RAB15: variants seen among roughly 807,000 people sequenced by gnomAD.
RAB15 encodes the protein ras-related protein Rab-15.
A neutral mutation model predicts 31.8 loss-of-function variants in RAB15; 13 were observed. That is an observed-to-expected ratio of 0.41 (90% CI 0.27 to 0.65). The LOEUF (loss-of-function observed/expected upper bound fraction) is 0.65. Ranked by LOEUF, RAB15 falls within the 30% of genes least tolerant of loss-of-function variation. The pLI is 0.32. For missense variants in RAB15, 220 were observed against 277.3 expected, an observed-to-expected ratio of 0.79 and a Z score of 1.47; for synonymous variants, 100 against 105.6, an observed-to-expected ratio of 0.95 and a Z score of 0.33.
In RAB15 at chr14:64,948,633, C is replaced by G; in HGVS notation, c.480+35G>C. 6.2e-7 allele frequency: 1 copy of G among 1,613,434 alleles called. No homozygotes were observed. The highest frequency in any genetic ancestry group is 8.5e-7 in the Non-Finnish European group (1 of 1,179,456). ...CCTCCCACCTCTGCTGGACTCAGCC[C>G]GAGAGAGCGGGCGCCTGGTCACCAG... On this transcript the variant is annotated intron_variant, in intron 6 of 6. Coordinates refer to ENST00000533601, the MANE Select transcript of RAB15 (RefSeq NM_001308154.2). This position sits in a 1 kb window ranked among gnomAD's most constrained non-coding sequence, Gnocchi z 7.0.
rs1886893068 is a variant in RAB15 at position 64,962,074 on chromosome 14, T to C, written c.125-9503A>G. On this transcript the variant is annotated intron_variant, in intron 1 of 6. Transcript: ENST00000533601. This position sits in a 1 kb window ranked among gnomAD's most constrained non-coding sequence, Gnocchi z 4.2. ...TACTAAAAATACAAAAATTAGCTGG[T>C]CGTGGTGGCAGGCTCCTGGAATCCC... Among the ~76,000 whole-genome samples, 1 of 151,700 alleles carries C rather than the reference T, an allele frequency of 6.6e-6. No homozygotes were observed. Among genetic ancestry groups the C allele is most frequent in the African/African-American group, 2.4e-5 (1 of 41,258 alleles).
At position 64,968,580 on chromosome 14, in the gene RAB15, T is replaced by A. The variant is rs999944892; in HGVS notation, c.124+3373A>T. Among the ~76,000 whole-genome samples the A allele has an allele frequency of 3.9e-5, 6 of 152,154 alleles. No homozygotes were observed. Among genetic ancestry groups the A allele is most frequent in the Admixed American group, 6.5e-5 (1 of 15,268 alleles). ...TAATCCATCCTTTACATTTGAAGAG[T>A]GATTCACCAAGTTCTTTCAGATATC... is the stretch of plus-strand genomic sequence containing the variant. On this transcript the variant is annotated intron_variant, in intron 1 of 6. Transcript: ENST00000533601. This position sits in a 1 kb window ranked among gnomAD's most constrained non-coding sequence, Gnocchi z 4.9.
intron 1 of RAB15, among the ~76,000 whole-genome samples, chr14:64,963,805 C>CAGAGGTGTGCTTCTGT (rs1232523667): frequency 1.3e-5 from 2 of 152,172 alleles, no homozygotes; most frequent in African/African-American, 4.8e-5. Context: ...GCACCTCCTA[C>CAGAGGTGTGCTTCTGT]AGGGAAGAGG....
intron 1 of RAB15, among the ~76,000 whole-genome samples, chr14:64,956,806 G>GT (rs1476115030): frequency 6.6e-6 from 1 of 152,198 alleles, no homozygotes; most frequent in African/African-American, 2.4e-5. Context: ...TTAGATAGAA[G>GT]TAGTTTCAAG....
At position 64,952,956 on chromosome 14, in the gene RAB15, C is replaced by A. The variant is rs750872010; in HGVS notation, c.125-385G>T. Among the ~76,000 whole-genome samples the A allele has an allele frequency of 1.3e-5, 2 of 152,212 alleles. No homozygotes were observed. Among genetic ancestry groups the A allele is most frequent in the Non-Finnish European group, 2.9e-5 (2 of 68,038 alleles). On this transcript the variant is annotated intron_variant, in intron 1 of 6. Coordinates refer to ENST00000533601, the MANE Select transcript of RAB15 (RefSeq NM_001308154.2). The surrounding 1 kb of genome is among the most constrained non-coding windows in gnomAD (Gnocchi z 4.2). ...TGTTTATCCTTCCTGAAATTCTAAT[C>A]TCTAGGAATAGCAACCCACATTATT...
chr14:64,965,236 T>A (rs957649075), intron 1 of RAB15, among the ~76,000 whole-genome samples: 1 of 152,032 alleles, frequency 6.6e-6, no homozygotes, highest in African/African-American at 2.4e-5. Flanking sequence ...GGTGGGTGGA[T>A]CAGCTGAGGT....
At chr14:64,956,220 T>C (rs1402110846) in intron 1 of RAB15, among the ~76,000 whole-genome samples, 1 of 151,912 alleles carries the variant, frequency 6.6e-6, no homozygotes, top group Admixed American at 6.6e-5. Flanking sequence ...CTGGCCAACA[T>C]GGTGAAACCC....
At chr14:64,963,109 CTTTTTTTT>C (rs1165246293) in intron 1 of RAB15, among the ~76,000 whole-genome samples, 1 of 96,402 alleles carries the variant, frequency 1.0e-5, no homozygotes, top group Admixed American at 1.1e-4. Context: ...CCCTTCCCCA[CTTTTTTTT>C]TTTTTTTTTT....
chr14:64,962,899 C>A lies in RAB15; in HGVS notation c.124+9054G>T, dbSNP rs1886932240. Among the ~76,000 whole-genome samples the A allele has an allele frequency of 6.6e-6, 1 of 152,136 alleles. No homozygotes were observed. The highest frequency in any genetic ancestry group is 6.6e-5 in the Admixed American group (1 of 15,256). ...CATAGTCAGCATTCAATAGCACTTA[C>A]ACTTGTCTGGAGGCGTGAACCTGAA... On this transcript the variant is annotated intron_variant, in intron 1 of 6. Coordinates refer to ENST00000533601, the MANE Select transcript of RAB15 (RefSeq NM_001308154.2). This position sits in a 1 kb window ranked among gnomAD's most constrained non-coding sequence, Gnocchi z 4.2.
In RAB15 at chr14:64,971,972, G is replaced by A. The variant is rs758615190; in HGVS notation, c.105C>T (p.Ser35=). ...CCTTACCGATGGTGGAGATGTGCGA[G>A]GAGTGGAACTCGTTGTCGGTGAAGC... ...LCRFTDNEFH[S]SHISTIGVDF... is the part of the protein sequence containing the mutation. The change falls in exon 1 of 7, where the codon TCC becomes TCT. Residue 35 remains serine (S), a synonymous_variant. Coordinates refer to ENST00000533601, the MANE Select transcript of RAB15 (RefSeq NM_001308154.2). This position sits in a 1 kb window ranked among gnomAD's most constrained non-coding sequence, Gnocchi z 4.1. 1 of 1,591,604 alleles carries A rather than the reference G, an allele frequency of 6.3e-7. No individual in the cohort carries two copies. Among genetic ancestry groups the A allele is most frequent in the Non-Finnish European group, 8.6e-7 (1 of 1,169,468 alleles).
Position 64,954,604 on chromosome 14 carries a change from A to G in RAB15, c.125-2033T>C. The stretch of plus-strand genomic sequence containing the variant: ...GCACAGTGCTCAGTGCAGACAGAGC[A>G]GTGAAAAAGACATGGCCCCTGCCCT... On this transcript the variant is annotated intron_variant, in intron 1 of 6. Transcript: ENST00000533601. The surrounding 1 kb of genome is among the most constrained non-coding windows in gnomAD (Gnocchi z 4.3). 1.9e-5 allele frequency: 17 copies of G among 872,746 alleles called. No individual in the cohort carries two copies. The highest frequency in any genetic ancestry group is 2.3e-5 in the Non-Finnish European group (17 of 727,242). The allele number at this position is 872,746 out of a possible 1,614,324, so 54.1% of individuals were successfully genotyped here.
In RAB15 at chr14:64,948,098, C is replaced by T. The variant is rs570067195; in HGVS notation, c.*256G>A. The T allele has an allele frequency of 2.1e-5, 9 of 422,720 alleles. No individual in the cohort carries two copies. Among genetic ancestry groups the T allele is most frequent in the African/African-American group, 1.6e-4 (8 of 49,030 alleles). 26.2% of individuals were successfully genotyped at this position (422,720 alleles called of 1,614,324 possible). ...TGGTGAGACAGTGCTTGCGGCACAT[C>T]GTGGGGGTCGTAGCAGGCCTGTGGC... On this transcript the variant is annotated 3_prime_UTR_variant, in exon 7 of 7. Transcript: ENST00000533601. This position sits in a 1 kb window ranked among gnomAD's most constrained non-coding sequence, Gnocchi z 7.0.
Position 64,962,149 on chromosome 14 carries a change from A to C in RAB15, c.125-9578T>G, listed in dbSNP as rs974148579. 6.6e-6 allele frequency among the ~76,000 whole-genome samples: 1 copy of C among 152,166 alleles called. No homozygotes were observed. The highest frequency in any genetic ancestry group is 1.5e-5 in the Non-Finnish European group (1 of 68,044). ...AGAATCGCTTGAACCTGGGAGGCGG[A>C]AGTTGCAGTGAGCCAAGATTGTGCC... On this transcript the variant is annotated intron_variant, in intron 1 of 6. Transcript: ENST00000533601. The surrounding 1 kb of genome is among the most constrained non-coding windows in gnomAD (Gnocchi z 4.2).
In RAB15 at chr14:64,950,394, C is replaced by G. The variant is rs768398931; in HGVS notation, c.345G>C (p.Gln115His). The change falls in exon 5 of 7, where the codon CAG becomes CAC. Residue 115 changes from glutamine (Q) to histidine (H), a missense_variant. Physicochemically the swap from Gln to His is conservative, Grantham distance 24. Transcript: ENST00000533601. This position sits in a 1 kb window ranked among gnomAD's most constrained non-coding sequence, Gnocchi z 5.6. ...CAGCCTTATTCCCAATAAGGATCTTCTGGACGCCTTCTGGTGCGTACTAGG... is the reference window on the plus strand; with the variant it reads ...CAGCCTTATTCCCAATAAGGATCTTGTGGACGCCTTCTGGTGCGTACTAGG... ...DVDEYAPEGV[Q>H]KILIGNKADE... 7 of 1,614,068 alleles carry G rather than the reference C, an allele frequency of 4.3e-6. No individual in the cohort carries two copies. In the East Asian group the frequency reaches 1.6e-4, roughly 36 times the overall value.
At position 64,954,496 on chromosome 14, in the gene RAB15, A is replaced by G. The variant is rs1886431746; in HGVS notation, c.125-1925T>C. 1 of 985,466 alleles carries G rather than the reference A, an allele frequency of 1.0e-6. No individual in the cohort carries two copies. Among genetic ancestry groups the G allele is most frequent in the Non-Finnish European group, 1.2e-6 (1 of 829,932 alleles). The allele number at this position is 985,466 out of a possible 1,614,324, so 61.0% of individuals were successfully genotyped here. On this transcript the variant is annotated intron_variant, in intron 1 of 6. Transcript: ENST00000533601. The surrounding 1 kb of genome is among the most constrained non-coding windows in gnomAD (Gnocchi z 4.3). ...CTGGCCAAGGACAGTGCCTTGTGCA[A>G]AGCCATCACAAGGGGGACAGGAAGA...
At chr14:64,960,166 G>A (rs1453021386) in intron 1 of RAB15, among the ~76,000 whole-genome samples, 1 of 152,232 alleles carries the variant, frequency 6.6e-6, no homozygotes, top group Non-Finnish European at 1.5e-5. Flanking sequence ...TGGGAAGACA[G>A]GCAGGGCCCT....
At chr14:64,956,410 C>CAAAAA (rs551478593) in intron 1 of RAB15, among the ~76,000 whole-genome samples, 1 of 72,942 alleles carries the variant, frequency 1.4e-5, no homozygotes, top group Non-Finnish European at 2.8e-5. Context: ...GACTTCATCT[C>CAAAAA]AAAAAAAAAA....
Position 64,962,196 on chromosome 14 carries a change from T to C in RAB15, c.125-9625A>G, listed in dbSNP as rs1395314650. 6.6e-6 allele frequency among the ~76,000 whole-genome samples: 1 copy of C among 152,026 alleles called. No homozygotes were observed. The highest frequency in any genetic ancestry group is 1.5e-5 in the Non-Finnish European group (1 of 67,992). Reference sequence around the variant, plus strand: ...TGCCACTGCACTCCAGCCTGGGGGATACAGTGAGACTCTGTCTCAAAAAAC... The same window carrying C: ...TGCCACTGCACTCCAGCCTGGGGGACACAGTGAGACTCTGTCTCAAAAAAC... On this transcript the variant is annotated intron_variant, in intron 1 of 6. Coordinates refer to ENST00000533601, the MANE Select transcript of RAB15 (RefSeq NM_001308154.2). This position sits in a 1 kb window ranked among gnomAD's most constrained non-coding sequence, Gnocchi z 4.2.
intron 1 of RAB15, among the ~76,000 whole-genome samples, chr14:64,959,848 C>CA (rs34981340): frequency 0.12 from 4,940 of 41,262 alleles, 632 homozygotes; most frequent in African/African-American, 0.22. Context: ...GACCCTGTCT[C>CA]AAAAAAAAAA....
Sources: allele counts gnomAD v4.1 joint callset (sites outside exome capture counted in the v4.1 genomes callset), GRCh38; gene constraint gnomAD v4.1.1; non-coding constraint Gnocchi (gnomAD v3.1); transcripts MANE v1.5; gene names NCBI Gene and HGNC (gene_info 2026-07-23, HGNC 2026-07-21).